RECK: variants seen among roughly 807,000 people sequenced by gnomAD.
The protein encoded by RECK is reversion inducing cysteine rich protein with kazal motifs.
A neutral mutation model predicts 115.1 loss-of-function variants in RECK; 69 were observed. That is an observed-to-expected ratio of 0.60 (90% CI 0.49 to 0.73). The LOEUF is 0.73. Ranked by LOEUF, RECK falls within the 30% of genes least tolerant of loss-of-function variation. RECK has a pLI of 0.00. For missense variants in RECK, 1,047 were observed against 1,203.7 expected (o/e 0.87, Z 1.93); for synonymous variants, 414 against 419.7 (o/e 0.99, Z 0.17).
rs1323580492 is a variant in RECK, at chr9:36,094,837, T to C, written c.1085+3494T>C. Among the ~76,000 whole-genome samples the C allele has an allele frequency of 6.6e-6, 1 of 152,136 alleles. No individual in the cohort carries two copies. Among genetic ancestry groups the C allele is most frequent in the South Asian group, 2.1e-4 (1 of 4,828 alleles). ...CTAAAGAGAGAGAAATATTCAATCA[T>C]ATTCAGAAATGTTAACACCTCTCCC... On this transcript the variant is annotated intron_variant, in intron 10 of 20. Coordinates refer to ENST00000377966, the MANE Select transcript of RECK (RefSeq NM_021111.3). The surrounding 1 kb of genome is among the most constrained non-coding windows in gnomAD (Gnocchi z 4.1).
intron 8 of RECK, among the ~76,000 whole-genome samples, chr9:36,087,191 CAT>C: frequency 6.6e-6 from 1 of 152,000 alleles, no homozygotes. Context: ...AACATGCACA[CAT>C]ATGTTTATTG....
chr9:36,097,327 C>CAAAAAAAAAAAA (rs56837267), intron 10 of RECK, among the ~76,000 whole-genome samples: 1 of 69,632 alleles, frequency 1.4e-5, no homozygotes. Context: ...GACTCCATCT[C>CAAAAAAAAAAAA]AAAAAAAAAA....
At chr9:36,106,158 CA>C (rs1177360990) in intron 13 of RECK, among the ~76,000 whole-genome samples, 1 of 134,868 alleles carries the variant, frequency 7.4e-6, no homozygotes, top group African/African-American at 2.9e-5. Context: ...TGCAGTGAGC[CA>C]AGATCGCGCC....
intron 16 of RECK, among the ~76,000 whole-genome samples, chr9:36,116,285 T>C (rs1324230739): frequency 3.3e-5 from 5 of 152,228 alleles, no homozygotes; most frequent in East Asian, 3.9e-4. Flanking sequence ...TGCGCCACCA[T>C]GCCTGGCTAA....
At chr9:36,119,220 A>T (rs530914976) in intron 18 of RECK, among the ~76,000 whole-genome samples, 2 of 152,364 alleles carry the variant, frequency 1.3e-5, no homozygotes, top group South Asian at 4.1e-4. Flanking sequence ...ACCAGACACC[A>T]ATATATAAAC....
At chr9:36,117,254 G>GT in intron 17 of RECK, 77 bp downstream of exon 17, 2 of 1,200,062 alleles carry the variant, frequency 1.7e-6, no homozygotes, top group Non-Finnish European at 2.3e-6. Flanking sequence ...TGAATCAACA[G>GT]TAAGACCAGC....
chr9:36,078,760 A>G (rs1822556036), intron 6 of RECK, among the ~76,000 whole-genome samples: 1 of 152,222 alleles, frequency 6.6e-6, no homozygotes, highest in African/African-American at 2.4e-5. Context: ...AAGCCAAACC[A>G]AAGGGAACAA....
chr9:36,064,248 T>C (rs1177718626), intron 5 of RECK, among the ~76,000 whole-genome samples: 1 of 152,212 alleles, frequency 6.6e-6, no homozygotes, highest in Non-Finnish European at 1.5e-5. Flanking sequence ...GCTCATTTTT[T>C]CATCTCCTTT....
chr9:36,066,125 A>C (rs758841239), intron 6 of RECK, among the ~76,000 whole-genome samples: 3 of 152,194 alleles, frequency 2.0e-5, no homozygotes, highest in Non-Finnish European at 4.4e-5. Flanking sequence ...TTAAATCTGA[A>C]GGACTCTCAT....
intron 3 of RECK, among the ~76,000 whole-genome samples, chr9:36,059,739 G>GT (rs1387623537): frequency 1.3e-5 from 2 of 152,188 alleles, no homozygotes; most frequent in African/African-American, 4.8e-5. Context: ...GAAAGTGTGA[G>GT]TTTGTTTGCA....
chr9:36,090,864 G>A (rs1424459813), intron 9 of RECK, among the ~76,000 whole-genome samples: 7 of 152,154 alleles, frequency 4.6e-5, no homozygotes, highest in African/African-American at 1.7e-4. Flanking sequence ...GATATAGGGG[G>A]AAATAATTGT....
chr9:36,062,032 T>C (rs1374247727), intron 4 of RECK, among the ~76,000 whole-genome samples: 2 of 152,184 alleles, frequency 1.3e-5, no homozygotes, highest in African/African-American at 2.4e-5. Context: ...ACTTCAGATA[T>C]AGATACTCAA....
At chr9:36,045,009 T>G (rs916106062) in intron 1 of RECK, among the ~76,000 whole-genome samples, 1 of 152,210 alleles carries the variant, frequency 6.6e-6, no homozygotes. Context: ...TATAATTGGC[T>G]GCTGCAGCAG....
intron 9 of RECK, among the ~76,000 whole-genome samples, chr9:36,088,982 C>T (rs1446683437): frequency 6.6e-6 from 1 of 152,192 alleles, no homozygotes; most frequent in Admixed American, 6.5e-5. Context: ...GATTGCGCCA[C>T]TGCACTCCAG....
chr9:36,089,252 C>T (rs980757346), intron 9 of RECK, among the ~76,000 whole-genome samples: 9 of 152,236 alleles, frequency 5.9e-5, no homozygotes, highest in Admixed American at 2.6e-4. Context: ...TTTACACCTA[C>T]GTAGAGTCAC....
chr9:36,049,405 A>G (rs1421805188), intron 1 of RECK, among the ~76,000 whole-genome samples: 1 of 152,098 alleles, frequency 6.6e-6, no homozygotes, highest in Non-Finnish European at 1.5e-5. Flanking sequence ...CCATCCTGAA[A>G]CTATCTAGGT....
At chr9:36,113,028 G>A (rs1316026260) in intron 16 of RECK, among the ~76,000 whole-genome samples, 1 of 152,168 alleles carries the variant, frequency 6.6e-6, no homozygotes, top group Non-Finnish European at 1.5e-5. Flanking sequence ...TTAGAAATTG[G>A]ACATGAGAAA....
In RECK at chr9:36,100,569, C is replaced by A. The variant is rs763031436; in HGVS notation, c.1298+26C>A. The A allele has an allele frequency of 5.1e-6, 8 of 1,562,484 alleles. No homozygotes were observed. The Admixed American group carries it at 1.3e-4, about 26-fold the overall frequency. On this transcript the variant is annotated intron_variant, in intron 11 of 20. Coordinates refer to ENST00000377966, the MANE Select transcript of RECK (RefSeq NM_021111.3). ...GTAAGTTTCTTTCATCCTAACGATTCTCCAGCTTTAGTTCAGACCCTCCGT... is the reference window on the plus strand; with the variant it reads ...GTAAGTTTCTTTCATCCTAACGATTATCCAGCTTTAGTTCAGACCCTCCGT...
chr9:36,098,708 T>C (rs1007877733), intron 10 of RECK, among the ~76,000 whole-genome samples: 2 of 152,110 alleles, frequency 1.3e-5, no homozygotes, highest in African/African-American at 4.8e-5. Context: ...CCAAAACATC[T>C]ATCAGGAGAA....
Sources: gnomAD v4.1 joint callset for allele counts (sites outside exome capture counted in the v4.1 genomes callset) on GRCh38, gnomAD v4.1.1 for gene constraint, Gnocchi (gnomAD v3.1) non-coding constraint, MANE v1.5 for transcripts, NCBI Gene and HGNC (gene_info 2026-07-23, HGNC 2026-07-21) for gene names.